The following MLLT10 variants were observed in gnomAD, a reference collection of about 807,000 sequenced individuals.
The protein encoded by MLLT10 is MLLT10 histone lysine methyltransferase DOT1L cofactor, also known as protein AF-10.
In MLLT10, 30 loss-of-function variants were observed where a neutral mutation model predicts 129.1. The observed-to-expected ratio is 0.23, with a 90% CI of 0.17 to 0.32. MLLT10 has a LOEUF of 0.32. MLLT10 is among the 10% of genes least tolerant of loss of function. MLLT10 has a pLI of 1.00. For synonymous variants in MLLT10, 490 were observed against 446.4 expected (o/e 1.10, Z -1.23); for missense variants, 1,119 against 1,268.3 (o/e 0.88, Z 1.79).
chr10:21,657,521 T>C (rs1169143120), intron 9 of MLLT10, among the ~76,000 whole-genome samples: 1 of 152,162 alleles, frequency 6.6e-6, no homozygotes, highest in Non-Finnish European at 1.5e-5. Flanking sequence ...TCTTTTTAAA[T>C]TGACAAATTG....
At chr10:21,691,437 T>C (rs755682991) in intron 13 of MLLT10, among the ~76,000 whole-genome samples, 8 of 152,226 alleles carry the variant, frequency 5.3e-5, no homozygotes, top group Non-Finnish European at 1.2e-4. Flanking sequence ...ATTTATGTAA[T>C]AACAGCTAGG....
intron 9 of MLLT10, among the ~76,000 whole-genome samples, chr10:21,655,026 T>TGG (rs1564586768): frequency 1.3e-5 from 2 of 151,442 alleles, no homozygotes; most frequent in Non-Finnish European, 2.9e-5. Context: ...TAGTAAAGAG[T>TGG]GAATTAGAAA....
At chr10:21,669,346 A>G (rs1317174043) in intron 9 of MLLT10, among the ~76,000 whole-genome samples, 1 of 152,160 alleles carries the variant, frequency 6.6e-6, no homozygotes, top group African/African-American at 2.4e-5. Flanking sequence ...TGTTTTTGCT[A>G]AAAATGCCAG....
intron 8 of MLLT10, among the ~76,000 whole-genome samples, chr10:21,627,644 A>T (rs761068040): frequency 6.6e-6 from 1 of 152,112 alleles, no homozygotes; most frequent in South Asian, 2.1e-4. Flanking sequence ...GTTTGTAGCC[A>T]TACTCTTTTT....
chr10:21,692,001 CAAAAAAAAAAA>C (rs929971187), intron 13 of MLLT10, among the ~76,000 whole-genome samples: 88 of 50,164 alleles, frequency 1.8e-3, no homozygotes, highest in African/African-American at 7.0e-3. Flanking sequence ...CTCATATCTA[CAAAAAAAAAAA>C]AAAAAAAAAA....
chr10:21,584,245 C>T (rs1034544797), intron 3 of MLLT10, among the ~76,000 whole-genome samples: 2 of 148,150 alleles, frequency 1.3e-5, no homozygotes, highest in African/African-American at 5.0e-5. Context: ...CTCGCTGCAA[C>T]CTCCGCCTTC....
intron 13 of MLLT10, among the ~76,000 whole-genome samples, chr10:21,707,331 T>C (rs908886588): frequency 3.3e-5 from 5 of 151,720 alleles, no homozygotes; most frequent in African/African-American, 1.2e-4. Context: ...TAGCTGGGAC[T>C]ACAGGCACGC....
chr10:21,705,379 C>G (rs2055391763), intron 13 of MLLT10, among the ~76,000 whole-genome samples: 2 of 152,178 alleles, frequency 1.3e-5, no homozygotes, highest in Admixed American at 6.5e-5. Context: ...TGTGCTCTGG[C>G]ATGGGCTGAG....
chr10:21,683,207 G>A (rs966797584), intron 13 of MLLT10, among the ~76,000 whole-genome samples: 1 of 152,240 alleles, frequency 6.6e-6, no homozygotes, highest in Non-Finnish European at 1.5e-5. Flanking sequence ...AAGGGTAGGG[G>A]TCGTTAGGGT....
In MLLT10 at chr10:21,743,334, A is replaced by G. The variant is rs1226476719; in HGVS notation, c.*1351A>G. ...TGTGAATCTGTTTTGTATTGTGACAAATTCATAAGATAACATTGATATTTT... is the reference window on the plus strand; with the variant it reads ...TGTGAATCTGTTTTGTATTGTGACAGATTCATAAGATAACATTGATATTTT... On this transcript the variant is annotated 3_prime_UTR_variant, in exon 23 of 23. Coordinates refer to ENST00000307729, the MANE Select transcript of MLLT10 (RefSeq NM_001195626.3). The G allele has an allele frequency of 1.4e-5, 3 of 218,944 alleles. No individual in the cohort carries two copies. Among genetic ancestry groups the G allele is most frequent in the African/African-American group, 4.5e-5 (2 of 44,572 alleles). The allele number at this position is 218,944 out of a possible 1,614,324, so 13.6% of individuals were successfully genotyped here.
chr10:21,674,714 A>C (rs971552578), intron 11 of MLLT10, among the ~76,000 whole-genome samples: 1 of 152,174 alleles, frequency 6.6e-6, no homozygotes, highest in African/African-American at 2.4e-5. Context: ...TTTCATCTTG[A>C]ATTTAAGATA....
chr10:21,667,245 T>C (rs970015212), intron 9 of MLLT10, among the ~76,000 whole-genome samples: 2 of 152,070 alleles, frequency 1.3e-5, no homozygotes, highest in African/African-American at 2.4e-5. Flanking sequence ...GCCTGGTTTC[T>C]TGTAACATTT....
At chr10:21,615,053 C>T in intron 7 of MLLT10, 129 bp downstream of exon 7, 1 of 668,742 alleles carries the variant, frequency 1.5e-6, no homozygotes, top group Non-Finnish European at 2.5e-6. Flanking sequence ...TTGTGTTTAG[C>T]ATGTTCTTTA....
intron 8 of MLLT10, among the ~76,000 whole-genome samples, chr10:21,640,283 A>G (rs1213573689): frequency 6.9e-5 from 10 of 144,094 alleles, no homozygotes; most frequent in Admixed American, 6.5e-4. Context: ...TGTATTATAT[A>G]TAATATATAT....
chr10:21,641,650 A>G (rs549466548), intron 8 of MLLT10, among the ~76,000 whole-genome samples: 9 of 152,182 alleles, frequency 5.9e-5, no homozygotes, highest in Admixed American at 6.5e-5. Context: ...ATGAGACCAA[A>G]AAAACTTTTT....
chr10:21,631,017 TAAAGA>T (rs1361513733), intron 8 of MLLT10, among the ~76,000 whole-genome samples: 1 of 152,000 alleles, frequency 6.6e-6, no homozygotes, highest in Non-Finnish European at 1.5e-5. Context: ...AAGAGTTGCC[TAAAGA>T]AAAGTACGTC....
intron 5 of MLLT10, among the ~76,000 whole-genome samples, chr10:21,611,842 A>T (rs1048865702): frequency 6.6e-6 from 1 of 152,176 alleles, no homozygotes; most frequent in African/African-American, 2.4e-5. Context: ...CCCGTATAGG[A>T]TTCCTCACAG....
chr10:21,666,844 A>G (rs1210123818), intron 9 of MLLT10, among the ~76,000 whole-genome samples: 4 of 152,072 alleles, frequency 2.6e-5, no homozygotes, highest in Non-Finnish European at 4.4e-5. Flanking sequence ...TAATTTGCAC[A>G]CTGTTTTGAG....
At chr10:21,565,157 A>G (rs956174622) in intron 3 of MLLT10, among the ~76,000 whole-genome samples, 6 of 152,026 alleles carry the variant, frequency 3.9e-5, no homozygotes, top group Non-Finnish European at 5.9e-5. Flanking sequence ...TCTTTGCTCA[A>G]AAGTATAGTG....
Sources: allele counts gnomAD v4.1 joint callset (sites outside exome capture counted in the v4.1 genomes callset), GRCh38; gene constraint gnomAD v4.1.1; transcripts MANE v1.5; gene names NCBI Gene and HGNC (gene_info 2026-07-23, HGNC 2026-07-21).